MROH9: variants seen among roughly 807,000 people sequenced by gnomAD.
MROH9 encodes the protein maestro heat like repeat family member 9.
Under a neutral mutation model 98.2 loss-of-function variants are expected in MROH9, and 92 were observed. The ratio of observed to expected loss-of-function variants is 0.94; its 90% CI spans 0.79 to 1.11. The LOEUF is 1.11. MROH9 is among the 50% of genes most tolerant of loss of function. The pLI is 0.00. For missense variants in MROH9, 1,057 were observed against 1,014.8 expected (o/e 1.04, Z -0.57); for synonymous variants, 397 against 368.9 (o/e 1.08, Z -0.87).
At chr1:170,984,383 G>A (rs1246045497) in intron 9 of MROH9, among the ~76,000 whole-genome samples, 1 of 152,190 alleles carries the variant, frequency 6.6e-6, no homozygotes, top group Non-Finnish European at 1.5e-5. Context: ...CTGCATAGCT[G>A]TCTTAAATAT....
In MROH9 at chr1:171,014,210, C is replaced by T. The variant is rs1652254819; in HGVS notation, c.1690C>T (p.Leu564=). 5 of 1,551,252 alleles carry T rather than the reference C, an allele frequency of 3.2e-6. No homozygotes were observed. The South Asian group carries it at 5.9e-5, about 18-fold the overall frequency. ...TGATTCCAATCCTGTAGTTAGCAGA[C>T]TGATCCTTCATAGAATTGTCCACAT... ...INDSNPVVSR[L]ILHRIVHMSP... Residue 564 remains leucine, a synonymous_variant, in exon 16 of 22, where the codon CTG becomes TTG. Transcript: ENST00000367759.
At position 171,011,793 on chromosome 1, in the gene MROH9, C is replaced by A. The variant is rs558825193; in HGVS notation, c.1597-2324C>A. Among the ~76,000 whole-genome samples the A allele has an allele frequency of 2.0e-5, 3 of 152,176 alleles. No homozygotes were observed. In the South Asian group the frequency reaches 6.2e-4, roughly 32 times the overall value. Reference sequence around the variant, plus strand: ...ACTTTTTTTCTCACTGCTCATTTTACTTGTTCTTTTTTGTATTATATCAAA... The same window carrying A: ...ACTTTTTTTCTCACTGCTCATTTTAATTGTTCTTTTTTGTATTATATCAAA... On this transcript the variant is annotated intron_variant, in intron 15 of 21. Transcript: ENST00000367759.
intron 20 of MROH9, among the ~76,000 whole-genome samples, chr1:171,047,329 A>G (rs1653501141): frequency 6.6e-6 from 1 of 152,156 alleles, no homozygotes; most frequent in Admixed American, 6.5e-5. Context: ...AGGCTATTCT[A>G]GATCTTGTAG....
chr1:170,987,708 A>G (rs546125029), intron 10 of MROH9, among the ~76,000 whole-genome samples: 1 of 152,352 alleles, frequency 6.6e-6, no homozygotes, highest in South Asian at 2.1e-4. Flanking sequence ...ACACATGCAT[A>G]CGTATTACAT....
chr1:171,002,845 A>G (rs1651826771), intron 15 of MROH9, among the ~76,000 whole-genome samples: 2 of 151,952 alleles, frequency 1.3e-5, no homozygotes, highest in African/African-American at 2.4e-5. Context: ...CCCTGAATGT[A>G]TTTTCTGAGC....
At chr1:170,983,308 C>A (rs191819562) in intron 8 of MROH9, 114 bp from the exon 9 acceptor site, 3 of 663,614 alleles carry the variant, frequency 4.5e-6, no homozygotes, top group Non-Finnish European at 7.6e-6. Context: ...GTTAAATATT[C>A]GGAAAACTTC....
At chr1:171,006,163 T>C (rs1284618773) in intron 15 of MROH9, among the ~76,000 whole-genome samples, 2 of 152,214 alleles carry the variant, frequency 1.3e-5, no homozygotes, top group African/African-American at 4.8e-5. Context: ...TGTCTTTATC[T>C]CTACTTAATT....
chr1:171,001,791 TTTG>T (rs1470574209), intron 15 of MROH9, among the ~76,000 whole-genome samples: 1 of 152,208 alleles, frequency 6.6e-6, no homozygotes, highest in African/African-American at 2.4e-5. Flanking sequence ...CCATTGTTTC[TTTG>T]TTGACTTTCT....
intron 4 of MROH9, 32 bp downstream of exon 4, chr1:170,958,572 C>T: frequency 1.5e-6 from 2 of 1,352,488 alleles, no homozygotes; most frequent in Non-Finnish European, 2.1e-6. Context: ...TTTTATTTCA[C>T]TAATTGGATG....
chr1:171,043,857 T>C (rs1055128178), intron 20 of MROH9, among the ~76,000 whole-genome samples: 5 of 152,150 alleles, frequency 3.3e-5, no homozygotes, highest in Admixed American at 2.0e-4. Context: ...TCAGTTCTAA[T>C]AGTTTTCTTG....
At chr1:171,011,036 G>C (rs1305040687) in intron 15 of MROH9, among the ~76,000 whole-genome samples, 2 of 152,148 alleles carry the variant, frequency 1.3e-5, no homozygotes, top group Non-Finnish European at 2.9e-5. Context: ...ATCCTGAATG[G>C]TGTTGCCTAG....
At chr1:170,991,499 C>T (rs896341007) in intron 11 of MROH9, among the ~76,000 whole-genome samples, 1 of 152,030 alleles carries the variant, frequency 6.6e-6, no homozygotes. Flanking sequence ...TATGAATTGG[C>T]AAGGTATCAG....
At chr1:170,951,549 C>T (rs936306854) in intron 3 of MROH9, among the ~76,000 whole-genome samples, 4 of 152,110 alleles carry the variant, frequency 2.6e-5, no homozygotes, top group African/African-American at 4.8e-5. Context: ...AAAACATAAA[C>T]TTGCTTGATG....
chr1:171,036,605 A>G (rs1557908192), intron 20 of MROH9, among the ~76,000 whole-genome samples: 2 of 151,974 alleles, frequency 1.3e-5, no homozygotes. Flanking sequence ...TTATTGCCCT[A>G]TTATTAGTAA....
chr1:171,012,803 A>G (rs1652203764), intron 15 of MROH9, among the ~76,000 whole-genome samples: 2 of 152,114 alleles, frequency 1.3e-5, no homozygotes, highest in Admixed American at 6.6e-5. Context: ...GCACCCGGCC[A>G]AAACTATCAT....
chr1:170,947,265 A>G (rs1649366431), intron 2 of MROH9, among the ~76,000 whole-genome samples: 1 of 152,150 alleles, frequency 6.6e-6, no homozygotes, highest in Admixed American at 6.5e-5. Flanking sequence ...TTATTGAACC[A>G]TCCTCTATGT....
chr1:170,973,752 G>C (rs548693547), intron 8 of MROH9, among the ~76,000 whole-genome samples: 5 of 152,222 alleles, frequency 3.3e-5, no homozygotes, highest in Admixed American at 3.3e-4. Flanking sequence ...GTGCGTGCCT[G>C]TAATCGCAGC....
At chr1:170,937,380 T>A (rs1210775952) in intron 1 of MROH9, among the ~76,000 whole-genome samples, 1 of 152,070 alleles carries the variant, frequency 6.6e-6, no homozygotes, top group African/African-American at 2.4e-5. Flanking sequence ...TATTATGTGA[T>A]AAGAGAATAA....
At chr1:171,016,444 C>A (rs1652330860) in intron 17 of MROH9, 108 bp downstream of exon 17, 3 of 814,318 alleles carry the variant, frequency 3.7e-6, no homozygotes, top group South Asian at 4.4e-5. Flanking sequence ...GGAGAAGAAG[C>A]CACCATTTCT....
Sources: allele counts gnomAD v4.1 joint callset (sites outside exome capture counted in the v4.1 genomes callset), GRCh38; gene constraint gnomAD v4.1.1; transcripts MANE v1.5; gene names NCBI Gene and HGNC (gene_info 2026-07-23, HGNC 2026-07-21).